Variants in SORCS3 observed in about 807,000 individuals in gnomAD.
The protein encoded by SORCS3 is VPS10 domain-containing receptor SorCS3.
Under a neutral mutation model 146.3 loss-of-function variants are expected in SORCS3, and 57 were observed. The ratio of observed to expected loss-of-function variants is 0.39; its 90% CI spans 0.31 to 0.49. The LOEUF (loss-of-function observed/expected upper bound fraction) is 0.49, where lower values mean the gene tolerates loss of function less well. Ranked by LOEUF, SORCS3 falls within the 20% of genes least tolerant of loss-of-function variation. SORCS3 has a pLI of 0.92. For missense variants in SORCS3, 1,341 were observed against 1,575.5 expected (o/e 0.85, Z 2.52); for synonymous variants, 653 against 618.5 (o/e 1.06, Z -0.83).
chr10:104,941,840 C>G (rs2019323334), intron 3 of SORCS3, among the ~76,000 whole-genome samples: 1 of 152,084 alleles, frequency 6.6e-6, no homozygotes, highest in Non-Finnish European at 1.5e-5. Flanking sequence ...GTCAACTCCC[C>G]ACTAGGGGAA....
At chr10:105,128,060 A>G (rs1337620838) in intron 7 of SORCS3, among the ~76,000 whole-genome samples, 1 of 152,172 alleles carries the variant, frequency 6.6e-6, no homozygotes, top group Non-Finnish European at 1.5e-5. Context: ...TGAATACCCG[A>G]TGCATGTCAG....
intron 20 of SORCS3, among the ~76,000 whole-genome samples, chr10:105,229,540 G>T (rs1405515556): frequency 6.6e-6 from 1 of 152,128 alleles, no homozygotes; most frequent in Non-Finnish European, 1.5e-5. Flanking sequence ...TGTTTTTATG[G>T]TGTTGGTTGA....
At chr10:105,248,147 C>G (rs61388912) in intron 22 of SORCS3, among the ~76,000 whole-genome samples, 2 of 152,082 alleles carry the variant, frequency 1.3e-5, no homozygotes, top group African/African-American at 4.8e-5. Flanking sequence ...AACATTTTCT[C>G]AGAGGTAGGC....
At chr10:104,731,521 C>G (rs1021016059) in intron 1 of SORCS3, among the ~76,000 whole-genome samples, 1 of 152,170 alleles carries the variant, frequency 6.6e-6, no homozygotes, top group Non-Finnish European at 1.5e-5. Flanking sequence ...CTCTGACATT[C>G]CCCTTCAACT....
At chr10:104,811,344 C>T (rs549532302) in intron 1 of SORCS3, among the ~76,000 whole-genome samples, 1 of 152,304 alleles carries the variant, frequency 6.6e-6, no homozygotes, top group African/African-American at 2.4e-5. Context: ...ACAGAACTTG[C>T]CTGAGGGAGT....
chr10:105,118,621 T>C (rs1433585993), intron 7 of SORCS3, among the ~76,000 whole-genome samples: 1 of 152,170 alleles, frequency 6.6e-6, no homozygotes, highest in Non-Finnish European at 1.5e-5. Flanking sequence ...ACTTGTGGAA[T>C]GGCTTTGACC....
chr10:104,744,647 T>C (rs1203486577), intron 1 of SORCS3, among the ~76,000 whole-genome samples: 1 of 152,226 alleles, frequency 6.6e-6, no homozygotes, highest in Non-Finnish European at 1.5e-5. Flanking sequence ...AAGCCCATGC[T>C]TTTAACCCCA....
intron 4 of SORCS3, among the ~76,000 whole-genome samples, chr10:104,983,956 G>A (rs1261719411): frequency 6.6e-6 from 1 of 152,024 alleles, no homozygotes; most frequent in Non-Finnish European, 1.5e-5. Context: ...TCATGAGTCT[G>A]ATGAATTTTC....
intron 5 of SORCS3, among the ~76,000 whole-genome samples, chr10:105,052,053 G>A (rs902100769): frequency 6.6e-6 from 1 of 152,102 alleles, no homozygotes; most frequent in South Asian, 2.1e-4. Flanking sequence ...ATGGCACTGA[G>A]CAAGACAGAA....
At chr10:105,129,407 C>T (rs2056001291) in intron 7 of SORCS3, among the ~76,000 whole-genome samples, 1 of 144,842 alleles carries the variant, frequency 6.9e-6, no homozygotes, top group Admixed American at 7.1e-5. Flanking sequence ...CATTTTTGAG[C>T]ACAGAGAGGG....
intron 1 of SORCS3, among the ~76,000 whole-genome samples, chr10:104,763,326 A>G (rs2017143527): frequency 6.6e-6 from 1 of 152,220 alleles, no homozygotes; most frequent in Admixed American, 6.5e-5. Flanking sequence ...GTTGATTAAA[A>G]TCTATCAGGG....
chr10:105,062,785 C>T (rs1474535607), intron 5 of SORCS3, among the ~76,000 whole-genome samples: 3 of 152,204 alleles, frequency 2.0e-5, no homozygotes, highest in African/African-American at 7.2e-5. Flanking sequence ...CAAGGAAGTG[C>T]CCAGTTTCTT....
In SORCS3 at chr10:104,958,999, T is replaced by G. The variant is rs377641161; in HGVS notation, c.796-18336T>G. Among the ~76,000 whole-genome samples the G allele has an allele frequency of 5.3e-4, 81 of 152,152 alleles. No homozygotes were observed. The East Asian group carries it at 6.2e-3, about 12-fold the overall frequency. The stretch of plus-strand genomic sequence containing the variant: ...GGTTCCTCCATGAACACGTGGGGAT[T>G]ACAATTTGAGATGAGATTTGGATGG... On this transcript the variant is annotated intron_variant, in intron 3 of 26. Coordinates refer to ENST00000369701, the MANE Select transcript of SORCS3 (RefSeq NM_014978.3).
chr10:105,242,924 GAT>G (rs2056844206), intron 20 of SORCS3, among the ~76,000 whole-genome samples: 1 of 12,526 alleles, frequency 8.0e-5, no homozygotes, highest in Non-Finnish European at 1.4e-4. Flanking sequence ...TAATATATAT[GAT>G]ATATAAATTA....
At chr10:104,980,706 G>T (rs1055388148) in intron 4 of SORCS3, among the ~76,000 whole-genome samples, 5 of 152,112 alleles carry the variant, frequency 3.3e-5, no homozygotes, top group Admixed American at 6.5e-5. Context: ...AGTTGGTAAG[G>T]CTATCTCGTT....
chr10:104,712,333 G>A (rs540715669), intron 1 of SORCS3, among the ~76,000 whole-genome samples: 1 of 152,280 alleles, frequency 6.6e-6, no homozygotes, highest in East Asian at 1.9e-4. Flanking sequence ...CTGCCACGCA[G>A]CCTCTCCAAA....
At chr10:104,690,218 T>C (rs2016095637) in intron 1 of SORCS3, among the ~76,000 whole-genome samples, 1 of 152,178 alleles carries the variant, frequency 6.6e-6, no homozygotes, top group African/African-American at 2.4e-5. Flanking sequence ...GCATAATTCT[T>C]GGGGTTGAAG....
At chr10:105,204,769 G>A (rs187953546) in intron 16 of SORCS3, among the ~76,000 whole-genome samples, 25 of 151,838 alleles carry the variant, frequency 1.6e-4, no homozygotes, top group Admixed American at 1.5e-3. Context: ...AGTTGTTTTT[G>A]ATTACTGAAA....
chr10:104,967,192 T>C (rs1312481432), intron 3 of SORCS3, among the ~76,000 whole-genome samples: 2 of 152,194 alleles, frequency 1.3e-5, no homozygotes, highest in Non-Finnish European at 2.9e-5. Flanking sequence ...GTTTAGCAAA[T>C]TGACAATTAT....
Sources: gnomAD v4.1 joint callset for allele counts (sites outside exome capture counted in the v4.1 genomes callset) on GRCh38, gnomAD v4.1.1 for gene constraint, MANE v1.5 for transcripts, NCBI Gene and HGNC (gene_info 2026-07-23, HGNC 2026-07-21) for gene names.